The following KIF13A variants were observed in gnomAD, a reference collection of about 807,000 sequenced individuals.
The protein encoded by KIF13A is kinesin family member 13A, also known as kinesin-like protein KIF13A.
KIF13A carries 79 observed loss-of-function variants against 212.2 expected under a neutral mutation model. The observed-to-expected ratio is 0.37, with a 90% CI of 0.31 to 0.45. The LOEUF is 0.45. KIF13A is among the 20% of genes least tolerant of loss of function. KIF13A has a pLI of 1.00. For missense variants in KIF13A, 1,901 were observed against 2,209.0 expected (o/e 0.86, Z 2.79); for synonymous variants, 789 against 808.6 (o/e 0.98, Z 0.41).
chr6:17,820,322 C>T (rs753317519), intron 16 of KIF13A, among the ~76,000 whole-genome samples: 25 of 152,182 alleles, frequency 1.6e-4, no homozygotes, highest in Admixed American at 3.3e-4. Flanking sequence ...CTCCCAGATC[C>T]GCCCTCACCA....
chr6:17,869,018 A>C (rs1021212595), intron 4 of KIF13A, among the ~76,000 whole-genome samples: 2 of 146,962 alleles, frequency 1.4e-5, no homozygotes, highest in Non-Finnish European at 3.0e-5. Context: ...AAAAAAAAAA[A>C]AACACAAATA....
rs929172187 is a variant in KIF13A at position 17,811,698 on chromosome 6, CAATT to C, written c.2001-2772_2001-2769del. Among the ~76,000 whole-genome samples, 73 of 152,316 alleles carry C rather than the reference CAATT, an allele frequency of 4.8e-4. No individual in the cohort carries two copies. The highest frequency in any genetic ancestry group is 1.7e-3 in the African/African-American group (70 of 41,572). On this transcript the variant is annotated intron_variant, in intron 17 of 38. Coordinates refer to ENST00000259711, the MANE Select transcript of KIF13A (RefSeq NM_022113.6). The surrounding 1 kb of genome is among the most constrained non-coding windows in gnomAD (Gnocchi z 6.0). ...TTCCAGCTTCTTATATAACCACATA[CAATT>C]AATGACATCTTACTTTTATCCAGTG...
chr6:17,868,856 T>C (rs545158604), intron 4 of KIF13A, among the ~76,000 whole-genome samples: 3 of 150,442 alleles, frequency 2.0e-5, no homozygotes, highest in African/African-American at 7.3e-5. Context: ...TAGCCAGGTG[T>C]GGTGGCATAT....
At chr6:17,810,756 G>A (rs1027238282) in intron 17 of KIF13A, among the ~76,000 whole-genome samples, 1 of 152,158 alleles carries the variant, frequency 6.6e-6, no homozygotes, top group African/African-American at 2.4e-5. Context: ...TAAGGAACAT[G>A]CAACCTAGAT....
At chr6:17,836,842 G>A (rs200956876) in intron 11 of KIF13A, 36 bp downstream of exon 11, 1 of 1,591,336 alleles carries the variant, frequency 6.3e-7, no homozygotes, top group African/African-American at 1.3e-5. Context: ...GCAAGCCAGG[G>A]AACTTTACCA....
intron 2 of KIF13A, among the ~76,000 whole-genome samples, chr6:17,905,612 G>A (rs1052636905): frequency 2.0e-4 from 30 of 152,192 alleles, no homozygotes; most frequent in African/African-American, 6.3e-4. Flanking sequence ...CCAAAAAAGC[G>A]GGGGATTCAC....
Position 17,794,327 on chromosome 6 carries a change from A to G in KIF13A, c.3144T>C (p.Val1048=). 1 of 1,613,574 alleles carries G rather than the reference A, an allele frequency of 6.2e-7. No individual in the cohort carries two copies. Among genetic ancestry groups the G allele is most frequent in the South Asian group, 1.1e-5 (1 of 91,072 alleles). The part of the protein sequence containing the change: ...VQHSGTLPLM[V]EAILSVSIGC... ...CGATGGATACTGACAGGATGGCTTC[A>G]ACCATAAGTGGCAGTGTCCCTGAAT... Residue 1048 remains valine, a synonymous_variant, in exon 25 of 39, where the codon GTT becomes GTC. Transcript: ENST00000259711. The surrounding 1 kb of genome is among the most constrained non-coding windows in gnomAD (Gnocchi z 4.1).
intron 22 of KIF13A, 68 bp from the exon 23 acceptor site, chr6:17,796,888 T>C (rs1762081844): frequency 2.0e-6 from 2 of 1,021,108 alleles, no homozygotes; most frequent in Middle Eastern, 2.3e-4. Flanking sequence ...TTTTGACCTT[T>C]CAACTGTTAT....
chr6:17,886,827 A>T lies in KIF13A; in HGVS notation c.159+11341T>A, dbSNP rs1771583076. 6.6e-6 allele frequency among the ~76,000 whole-genome samples: 1 copy of T among 151,912 alleles called. No homozygotes were observed. The highest frequency in any genetic ancestry group is 2.4e-5 in the African/African-American group (1 of 41,322). ...CAAAACAACAACAACAACCACAACT[A>T]CTAACAACCACCACCACCACCCTAT... On this transcript the variant is annotated intron_variant, in intron 3 of 38. Transcript: ENST00000259711. The surrounding 1 kb of genome is among the most constrained non-coding windows in gnomAD (Gnocchi z 5.6).
intron 2 of KIF13A, among the ~76,000 whole-genome samples, chr6:17,907,998 G>C (rs1241128077): frequency 6.6e-6 from 1 of 152,164 alleles, no homozygotes; most frequent in Non-Finnish European, 1.5e-5. Context: ...GTGAGCCTCT[G>C]CCTGGCACCA....
intron 2 of KIF13A, chr6:17,950,902 T>G: frequency 1.0e-6 from 1 of 983,396 alleles, no homozygotes; most frequent in South Asian, 4.7e-5. Flanking sequence ...GAAACAACCG[T>G]ATCCACCCAC....
At chr6:17,824,316 T>C (rs943550778) in intron 16 of KIF13A, among the ~76,000 whole-genome samples, 2 of 152,178 alleles carry the variant, frequency 1.3e-5, no homozygotes, top group African/African-American at 4.8e-5. Flanking sequence ...GAATCCCCAA[T>C]TTGATATGCC....
In KIF13A at chr6:17,837,949, T is replaced by A. The variant is rs1766131639; in HGVS notation, c.831-366A>T. Among the ~76,000 whole-genome samples, 1 of 148,918 alleles carries A rather than the reference T, an allele frequency of 6.7e-6. No individual in the cohort carries two copies. Among genetic ancestry groups the A allele is most frequent in the Non-Finnish European group, 1.5e-5 (1 of 67,188 alleles). The stretch of plus-strand genomic sequence containing the variant: ...GCCTGGGCGACAGAGTGAGACTCTT[T>A]CAAAAAAACAAAAACAAAGAAACCC... On this transcript the variant is annotated intron_variant, in intron 9 of 38. Coordinates refer to ENST00000259711, the MANE Select transcript of KIF13A (RefSeq NM_022113.6). The surrounding 1 kb of genome is among the most constrained non-coding windows in gnomAD (Gnocchi z 5.4).
At chr6:17,763,153 T>G (rs1758662363), downstream of KIF13A, among the ~76,000 whole-genome samples, 1 of 152,172 alleles carries the variant, frequency 6.6e-6, no homozygotes, top group African/African-American at 2.4e-5. Flanking sequence ...TTTTCCTTAG[T>G]AATAGTGGCA....
At chr6:17,815,988 A>G (rs1368956027) in intron 17 of KIF13A, among the ~76,000 whole-genome samples, 1 of 148,714 alleles carries the variant, frequency 6.7e-6, no homozygotes, top group East Asian at 2.0e-4. Context: ...GCTTACTGTA[A>G]CCATTGCCTC....
rs1472334139 is a variant in KIF13A at position 17,898,073 on chromosome 6, C to A, written c.159+95G>T. 21 of 1,163,724 alleles carry A rather than the reference C, an allele frequency of 1.8e-5. No homozygotes were observed. The Admixed American group carries it at 4.1e-4, about 23-fold the overall frequency. 72.1% of individuals were successfully genotyped at this position (1,163,724 alleles called of 1,614,324 possible). ...AAATTAGGATGCTGTTTTCAGTTCT[C>A]AATGAGACAGATGTTCTACATGGGT... On this transcript the variant is annotated intron_variant, in intron 3 of 38. Transcript: ENST00000259711. This position sits in a 1 kb window ranked among gnomAD's most constrained non-coding sequence, Gnocchi z 5.2.
In KIF13A at chr6:17,968,859, G is replaced by C. The variant is rs1033063888; in HGVS notation, c.146+18195C>G. On this transcript the variant is annotated intron_variant, in intron 2 of 38. Coordinates refer to ENST00000259711, the MANE Select transcript of KIF13A (RefSeq NM_022113.6). This position sits in a 1 kb window ranked among gnomAD's most constrained non-coding sequence, Gnocchi z 4.7. The stretch of plus-strand genomic sequence containing the variant: ...TAGAGGTCTCAGAGGGCCCAGACTA[G>C]AAGCACTAGAACCACCAGTGATGTG... Among the ~76,000 whole-genome samples, 1 of 152,208 alleles carries C rather than the reference G, an allele frequency of 6.6e-6. No individual in the cohort carries two copies. The highest frequency in any genetic ancestry group is 1.5e-5 in the Non-Finnish European group (1 of 68,030).
chr6:17,769,447 A>C lies in KIF13A; in HGVS notation c.4581+1667T>G, dbSNP rs1222323820. ...CATGGTGCATTCAGTCACAGAGTCT[A>C]ACTGCTGCTTGAGACTTCCTGGGTC... On this transcript the variant is annotated intron_variant, in intron 38 of 38. Transcript: ENST00000259711. The surrounding 1 kb of genome is among the most constrained non-coding windows in gnomAD (Gnocchi z 5.8). Among the ~76,000 whole-genome samples the C allele has an allele frequency of 6.6e-6, 1 of 152,148 alleles. No individual in the cohort carries two copies. The highest frequency in any genetic ancestry group is 1.5e-5 in the Non-Finnish European group (1 of 68,034).
chr6:17,833,492 G>A (rs1367542802), intron 12 of KIF13A, among the ~76,000 whole-genome samples: 5 of 94,332 alleles, frequency 5.3e-5, no homozygotes, highest in Non-Finnish European at 8.2e-5. Flanking sequence ...GGGAGACCTT[G>A]TCTTCAAAAA....
Sources: allele counts gnomAD v4.1 joint callset (sites outside exome capture counted in the v4.1 genomes callset), GRCh38; gene constraint gnomAD v4.1.1; non-coding constraint Gnocchi (gnomAD v3.1); transcripts MANE v1.5; gene names NCBI Gene and HGNC (gene_info 2026-07-23, HGNC 2026-07-21).